The following ORC1 variants were observed in gnomAD, a reference collection of about 807,000 sequenced individuals.
ORC1 encodes the protein origin recognition complex, subunit 1 homolog.
Under a neutral mutation model 98.9 loss-of-function variants are expected in ORC1, and 61 were observed. That is an observed-to-expected ratio of 0.62 (90% CI 0.50 to 0.76). The LOEUF is 0.76. Ranked by LOEUF, ORC1 falls within the 30% of genes least tolerant of loss-of-function variation. The pLI is 0.00. For missense variants in ORC1, 979 were observed against 1,072.2 expected (o/e 0.91, Z 1.21); for synonymous variants, 385 against 406.9 (o/e 0.95, Z 0.65).
intron 1 of ORC1, among the ~76,000 whole-genome samples, chr1:52,403,146 G>C (rs192798041): frequency 4.8e-4 from 73 of 152,184 alleles, no homozygotes; most frequent in African/African-American, 1.4e-3. Flanking sequence ...TTGTGGATTG[G>C]GCCTCAATTT....
Position 52,385,935 on chromosome 1 carries a change from C to T in ORC1, c.1398G>A (p.Thr466=), listed in dbSNP as rs761844585. Residue 466 remains threonine (T), a synonymous_variant, in exon 9 of 17, where the codon ACG becomes ACA. Coordinates refer to ENST00000371568, the MANE Select transcript of ORC1 (RefSeq NM_004153.4). Reference sequence around the variant, plus strand: ...GGATCTGAGGAGCGGCACAACGTGGCGTTCTAGGCTTGAGCTGTATTGAAA... The same window carrying T: ...GGATCTGAGGAGCGGCACAACGTGGTGTTCTAGGCTTGAGCTGTATTGAAA... The part of the protein sequence containing the change: ...KVPKKSLKPR[T]PRCAAPQIRS... 25 of 1,613,300 alleles carry T rather than the reference C, an allele frequency of 1.5e-5. No homozygotes were observed. The highest frequency in any genetic ancestry group is 6.7e-5 in the East Asian group (3 of 44,872).
rs761157629 is a variant in ORC1 at position 52,373,230 on chromosome 1, C to T, written c.2537G>A (p.Arg846Gln). 26 of 1,614,188 alleles carry T rather than the reference C, an allele frequency of 1.6e-5. No homozygotes were observed. The highest frequency in any genetic ancestry group is 2.1e-5 in the Non-Finnish European group (25 of 1,180,024). Reference protein sequence around the residue: ...PSRNDLLLRVRLNVSQDDVLY... With the variant: ...PSRNDLLLRVQLNVSQDDVLY... ...CACATCATCCTGGCTGACGTTGAGCCGCACCCGAAGGAGCAGATCGTTCCT... is the reference window on the plus strand; with the variant it reads ...CACATCATCCTGGCTGACGTTGAGCTGCACCCGAAGGAGCAGATCGTTCCT... Residue 846 changes from arginine (R) to glutamine (Q), a missense_variant, in exon 17 of 17, where the codon CGG becomes CAG. Physicochemically the swap from Arg to Gln is conservative, Grantham distance 43 (BLOSUM62 1). Coordinates refer to ENST00000371568, the MANE Select transcript of ORC1 (RefSeq NM_004153.4).
chr1:52,396,042 T>G lies in ORC1; in HGVS notation c.721+4A>C, dbSNP rs2147940658. The G allele has an allele frequency of 6.2e-7, 1 of 1,614,162 alleles. No individual in the cohort carries two copies. The highest frequency in any genetic ancestry group is 8.5e-7 in the Non-Finnish European group (1 of 1,180,018). ...TGCCCACGGTGATCCATTCCACAACTTACTGCCAAGCTCCAGCCTCTTTCT... is the reference window on the plus strand; with the variant it reads ...TGCCCACGGTGATCCATTCCACAACGTACTGCCAAGCTCCAGCCTCTTTCT... On this transcript the variant is annotated splice_donor_region_variant and intron_variant, in intron 5 of 16. Coordinates refer to ENST00000371568, the MANE Select transcript of ORC1 (RefSeq NM_004153.4).
At chr1:52,409,400 C>T (rs954858332), upstream of ORC1, 2 of 152,262 alleles carry the variant, frequency 1.3e-5, no homozygotes, top group African/African-American at 4.8e-5. Context: ...CACTTGAGGT[C>T]AGGAGTTTGA....
intron 6 of ORC1, 49 bp downstream of exon 6, chr1:52,393,394 C>T (rs779777537): frequency 5.6e-6 from 9 of 1,611,420 alleles, no homozygotes; most frequent in African/African-American, 5.3e-5. Context: ...ACATACTTCA[C>T]GTGATGTGAA....
chr1:52,394,267 T>TG (rs545456876), intron 5 of ORC1, among the ~76,000 whole-genome samples: 131 of 152,354 alleles, frequency 8.6e-4, no homozygotes, highest in African/African-American at 2.9e-3. Flanking sequence ...GACAATCCAC[T>TG]GGTTCTGTGA....
intron 13 of ORC1, 49 bp downstream of exon 13, chr1:52,383,371 C>G: frequency 1.2e-6 from 2 of 1,609,312 alleles, no homozygotes; most frequent in African/African-American, 2.7e-5. Context: ...ACTTCTTGGC[C>G]AAGCTTACAG....
chr1:52,382,572 C>CTT (rs3049207), intron 13 of ORC1, among the ~76,000 whole-genome samples: 1,540 of 107,082 alleles, frequency 0.014, 2 homozygotes, highest in Non-Finnish European at 0.019. Context: ...AGTGCTAAAA[C>CTT]TTTTTTTTTT....
At chr1:52,380,522 C>A (rs1183590306) in intron 14 of ORC1, among the ~76,000 whole-genome samples, 1 of 152,082 alleles carries the variant, frequency 6.6e-6, no homozygotes, top group Non-Finnish European at 1.5e-5. Flanking sequence ...ATGGCAAAAC[C>A]CCATCTCTAC....
rs780463049 is a variant in ORC1, at chr1:52,381,790, G to A, written c.2014-29C>T. ...GGGAGCCAAAATGACAGAGGAATAA[G>A]TTGGTTGACTGCCCAGTGATTATCC... On this transcript the variant is annotated intron_variant, in intron 13 of 16. Coordinates refer to ENST00000371568, the MANE Select transcript of ORC1 (RefSeq NM_004153.4). 1.6e-5 allele frequency: 26 copies of A among 1,610,238 alleles called. No homozygotes were observed. The Admixed American group carries it at 4.4e-4, about 27-fold the overall frequency.
Position 52,402,144 on chromosome 1 carries a change from T to C in ORC1, c.80A>G (p.His27Arg), listed in dbSNP as rs1248787400. The change falls in exon 2 of 17, where the codon CAC becomes CGC. Residue 27 changes from histidine (H) to arginine (R), a missense_variant. Transcript: ENST00000371568. ...VGRPLLDRKL[H>R]YQTYREMCVK... Reference sequence around the variant, plus strand: ...CATCACTCACCTATAGGTTTGGTAGTGCAGTTTTCGATCCAACAAGGGCCT... The same window carrying C: ...CATCACTCACCTATAGGTTTGGTAGCGCAGTTTTCGATCCAACAAGGGCCT... 1.2e-6 allele frequency: 2 copies of C among 1,613,852 alleles called. No homozygotes were observed. Among genetic ancestry groups the C allele is most frequent in the African/African-American group, 1.3e-5 (1 of 74,946 alleles).
At chr1:52,396,503 G>T in intron 4 of ORC1, 139 bp from the exon 5 acceptor site, 1 of 962,182 alleles carries the variant, frequency 1.0e-6, no homozygotes, top group Non-Finnish European at 1.6e-6. Context: ...AAGACGCATA[G>T]ACATGGCATA....
chr1:52,392,659 TAAATACCC>T (rs1647245188), intron 6 of ORC1, among the ~76,000 whole-genome samples: 1 of 152,172 alleles, frequency 6.6e-6, no homozygotes, highest in South Asian at 2.1e-4. Context: ...GGAACCAGCC[TAAATACCC>T]ATCAACCAAT....
At chr1:52,381,467 C>T (rs537327603) in intron 14 of ORC1, among the ~76,000 whole-genome samples, 175 bp downstream of exon 14, 1 of 152,282 alleles carries the variant, frequency 6.6e-6, no homozygotes, top group East Asian at 1.9e-4. Context: ...ATTTAGGGCC[C>T]TCTAATCATA....
chr1:52,377,999 A>G (rs1647016035), intron 14 of ORC1, among the ~76,000 whole-genome samples: 1 of 152,168 alleles, frequency 6.6e-6, no homozygotes, highest in African/African-American at 2.4e-5. Flanking sequence ...TATGGGCAAG[A>G]GATTTGAGGA....
intron 15 of ORC1, 110 bp downstream of exon 15, chr1:52,375,320 A>T: frequency 1.0e-6 from 1 of 970,162 alleles, no homozygotes; most frequent in South Asian, 1.3e-5. Flanking sequence ...TAATGTCCCT[A>T]TGAAACATAA....
At chr1:52,408,931 C>T (rs1648073696), upstream of ORC1, 1 of 385,972 alleles carries the variant, frequency 2.6e-6, no homozygotes, top group African/African-American at 2.0e-5. Flanking sequence ...TATGTTAATC[C>T]CTGCCTTGCA....
At position 52,373,125 on chromosome 1, in the gene ORC1, C is replaced by A. The variant is rs1247212383; in HGVS notation, c.*56G>T. 1.3e-6 allele frequency: 2 copies of A among 1,560,702 alleles called. No homozygotes were observed. Among genetic ancestry groups the A allele is most frequent in the African/African-American group, 2.7e-5 (2 of 73,938 alleles). The stretch of plus-strand genomic sequence containing the variant: ...CCAGCCTGGGCGACAGAGCAAGACC[C>A]TGTCTCAAAAAACAAAACCCAGCAA... On this transcript the variant is annotated 3_prime_UTR_variant, in exon 17 of 17. Transcript: ENST00000371568.
At chr1:52,405,491 G>C (rs12568756), upstream of ORC1, among the ~76,000 whole-genome samples, 2 of 152,174 alleles carry the variant, frequency 1.3e-5, no homozygotes, top group Non-Finnish European at 2.9e-5. Flanking sequence ...GAAAAGCTTA[G>C]CAGGGTACCT....
Sources: allele counts gnomAD v4.1 joint callset (sites outside exome capture counted in the v4.1 genomes callset), GRCh38; gene constraint gnomAD v4.1.1; transcripts MANE v1.5; gene names NCBI Gene and HGNC (gene_info 2026-07-23, HGNC 2026-07-21).